Variants in RBFOX1 observed in about 807,000 individuals in gnomAD.
The protein encoded by RBFOX1 is RNA binding fox-1 homolog 1, also known as RNA binding protein fox-1 homolog 1.
In RBFOX1, 8 loss-of-function variants were observed where a neutral mutation model predicts 57.7. That is an observed-to-expected ratio of 0.14 (90% CI 0.08 to 0.25). The LOEUF (loss-of-function observed/expected upper bound fraction) is 0.25, where lower values mean the gene tolerates loss of function less well. Ranked by LOEUF, RBFOX1 falls within the 10% of genes least tolerant of loss-of-function variation. The pLI is 1.00. For missense variants in RBFOX1, 611 were observed against 548.5 expected (o/e 1.11, Z -1.14); for synonymous variants, 326 against 222.4 (o/e 1.47, Z -4.15).
chr16:6,971,875 C>T (rs760105813), intron 3 of RBFOX1, among the ~76,000 whole-genome samples: 9 of 152,018 alleles, frequency 5.9e-5, no homozygotes, highest in Non-Finnish European at 1.0e-4. Flanking sequence ...TGCAGTGATC[C>T]GCTGGTACCC....
At chr16:7,562,988 C>T (rs1452911671) in intron 5 of RBFOX1, among the ~76,000 whole-genome samples, 1 of 152,100 alleles carries the variant, frequency 6.6e-6, no homozygotes, top group Non-Finnish European at 1.5e-5. Flanking sequence ...GGGACTTGAC[C>T]CAGGGGATTG....
chr16:6,747,310 G>A (rs1397865765), intron 3 of RBFOX1, among the ~76,000 whole-genome samples: 3 of 152,152 alleles, frequency 2.0e-5, no homozygotes, highest in African/African-American at 7.2e-5. Flanking sequence ...AAGAGGCTGA[G>A]GCAGGACAAT....
intron 3 of RBFOX1, among the ~76,000 whole-genome samples, chr16:6,991,430 A>G (rs1038389795): frequency 2.0e-5 from 3 of 152,232 alleles, no homozygotes; most frequent in Non-Finnish European, 4.4e-5. Flanking sequence ...CTCATATCCC[A>G]TAGGGGAACT....
intron 3 of RBFOX1, among the ~76,000 whole-genome samples, chr16:5,805,681 C>A (rs926424917): frequency 6.6e-6 from 1 of 152,170 alleles, no homozygotes; most frequent in Non-Finnish European, 1.5e-5. Context: ...GATAAATTAG[C>A]AGAACTCAGA....
intron 4 of RBFOX1, among the ~76,000 whole-genome samples, chr16:7,162,820 C>T (rs2078649692): frequency 6.6e-6 from 1 of 152,190 alleles, no homozygotes; most frequent in South Asian, 2.1e-4. Context: ...CCTTCTTCCT[C>T]ATCTTTTGTT....
chr16:6,936,591 C>CT lies in RBFOX1; in HGVS notation c.-15-115465dup, dbSNP rs1373432483. Among the ~76,000 whole-genome samples the CT allele has an allele frequency of 8.5e-5, 13 of 152,100 alleles. No homozygotes were observed. The East Asian group carries it at 2.3e-3, about 27-fold the overall frequency. ...TTAATTGTTTCCTGTATATGCCAGC[C>CT]TAAGCACTTGACATCCCTATAAAAT... is the stretch of plus-strand genomic sequence containing the variant. On this transcript the variant is annotated intron_variant, in intron 3 of 15. Transcript: ENST00000550418.
Position 6,743,840 on chromosome 16 carries a change from GTTCA to G in RBFOX1, c.-16+89193_-16+89196del, listed in dbSNP as rs568830485. Reference sequence around the variant, plus strand: ...GTGTTTTGACTATTTAAAAAATCATGTTCATTTATTTCTGATTATTTGTAACACA... The same window carrying G: ...GTGTTTTGACTATTTAAAAAATCATGTTTATTTCTGATTATTTGTAACACA... On this transcript the variant is annotated intron_variant, in intron 3 of 15. Transcript: ENST00000550418. 4.9e-3 allele frequency among the ~76,000 whole-genome samples: 536 copies of G among 110,200 alleles called. 20 individuals carry two copies. Among genetic ancestry groups the G allele is most frequent in the African/African-American group, 0.019 (527 of 27,046 alleles). 72.3% of individuals were successfully genotyped at this position (110,200 alleles called of 152,430 possible).
intron 2 of RBFOX1, among the ~76,000 whole-genome samples, chr16:6,605,968 G>C (rs376319917): frequency 3.4e-4 from 52 of 152,116 alleles, no homozygotes; most frequent in African/African-American, 1.3e-3. Context: ...AGCATGGTTG[G>C]GGGTGGGGGC....
chr16:5,326,946 G>A (rs2064593070), intron 1 of RBFOX1, among the ~76,000 whole-genome samples: 1 of 152,174 alleles, frequency 6.6e-6, no homozygotes, highest in African/African-American at 2.4e-5. Context: ...TAGGAACTGA[G>A]GGTAAACAGC....
chr16:7,596,135 AC>A (rs1568009302), intron 8 of RBFOX1, among the ~76,000 whole-genome samples: 11 of 2,734 alleles, frequency 4.0e-3, no homozygotes, highest in African/African-American at 0.016. Flanking sequence ...GGAAAAAAAA[AC>A]AAAAAAAAAA....
chr16:7,129,347 C>A (rs1415442125), intron 4 of RBFOX1, among the ~76,000 whole-genome samples: 2 of 152,030 alleles, frequency 1.3e-5, no homozygotes, highest in Non-Finnish European at 1.5e-5. Flanking sequence ...AGATGAGGTA[C>A]AGGAGTCAGC....
intron 1 of RBFOX1, among the ~76,000 whole-genome samples, chr16:6,304,043 C>A (rs2079152416): frequency 1.3e-5 from 2 of 151,046 alleles, no homozygotes; most frequent in Non-Finnish European, 2.9e-5. Context: ...AACTCCTGAC[C>A]TCATGATCTG....
At chr16:7,055,252 CTT>C (rs1299625227) in intron 4 of RBFOX1, among the ~76,000 whole-genome samples, 9 of 151,910 alleles carry the variant, frequency 5.9e-5, no homozygotes, top group Non-Finnish European at 2.9e-5. Context: ...CTACGCAACA[CTT>C]TTGTTTATAG....
intron 2 of RBFOX1, chr16:6,483,725 A>T (rs1015698536): frequency 7.0e-7 from 1 of 1,425,864 alleles, no homozygotes; most frequent in Non-Finnish European, 9.2e-7. Flanking sequence ...GTGCAAATTG[A>T]CATTTTTGGC....
At chr16:6,441,381 C>T (rs753258656) in intron 2 of RBFOX1, among the ~76,000 whole-genome samples, 2 of 151,948 alleles carry the variant, frequency 1.3e-5, no homozygotes, top group East Asian at 1.9e-4. Flanking sequence ...TTGTCAGCTT[C>T]GTTTTATTTT....
intron 1 of RBFOX1, among the ~76,000 whole-genome samples, chr16:5,404,652 A>T (rs192261667): frequency 2.6e-5 from 4 of 152,158 alleles, no homozygotes; most frequent in Non-Finnish European, 5.9e-5. Context: ...CTGAACCCCT[A>T]TTCTGTGCAC....
At chr16:6,562,827 G>T (rs2097196035) in intron 2 of RBFOX1, among the ~76,000 whole-genome samples, 1 of 104,258 alleles carries the variant, frequency 9.6e-6, no homozygotes, top group Non-Finnish European at 2.1e-5. Context: ...CTTGATTCTT[G>T]ATTCTTTTCT....
At chr16:6,368,141 C>A (rs2089931892) in intron 2 of RBFOX1, among the ~76,000 whole-genome samples, 1 of 152,168 alleles carries the variant, frequency 6.6e-6, no homozygotes, top group Non-Finnish European at 1.5e-5. Flanking sequence ...CATTCATTGG[C>A]TGTTTTTCTC....
At chr16:6,049,182 G>A (rs1377459858) in intron 1 of RBFOX1, among the ~76,000 whole-genome samples, 1 of 149,682 alleles carries the variant, frequency 6.7e-6, no homozygotes, top group Admixed American at 6.8e-5. Context: ...TCCTGCCTCA[G>A]CCTCCCAAGT....
Sources: gnomAD v4.1 joint callset for allele counts (sites outside exome capture counted in the v4.1 genomes callset) on GRCh38, gnomAD v4.1.1 for gene constraint, MANE v1.5 for transcripts, NCBI Gene and HGNC (gene_info 2026-07-23, HGNC 2026-07-21) for gene names.